EGFL6: variants seen among roughly 807,000 people sequenced by gnomAD.
The protein encoded by EGFL6 is epidermal growth factor-like protein 6.
EGFL6 carries 42 observed loss-of-function variants against 43.1 expected under a neutral mutation model. The observed-to-expected ratio is 0.98, with a 90% CI of 0.76 to 1.26. EGFL6 has a LOEUF of 1.26. Ranked by LOEUF, EGFL6 falls within the 50% of genes most tolerant of loss-of-function variation. The probability of loss-of-function intolerance (pLI) is 0.00; values close to 1 mark genes in which losing one functional copy is unlikely to be tolerated. For synonymous variants in EGFL6, 164 were observed against 163.2 expected (o/e 1.01, Z -0.04); for missense variants, 429 against 427.8 (o/e 1.00, Z -0.02).
intron 1 of EGFL6, among the ~76,000 whole-genome samples, chrX:13,572,362 G>T (rs1380820550): frequency 1.8e-5 from 2 of 112,457 alleles, no homozygotes; most frequent in Non-Finnish European, 3.8e-5. Context: ...TGTTGAAATG[G>T]TAATGTGGAT....
chrX:13,591,992 G>A (rs1186225563), intron 2 of EGFL6, among the ~76,000 whole-genome samples: 1 of 111,667 alleles, frequency 9.0e-6, no homozygotes, highest in Non-Finnish European at 1.9e-5. Flanking sequence ...TCAATCTCAG[G>A]CCATTTTAAA....
At chrX:13,597,762 CAA>C (rs2045608092) in intron 3 of EGFL6, among the ~76,000 whole-genome samples, 1 of 108,712 alleles carries the variant, frequency 9.2e-6, no homozygotes, top group Non-Finnish European at 1.9e-5. Context: ...GCAGCCTGGG[CAA>C]CAGAGCGAGA....
At chrX:13,613,040 G>A (rs187188851) in intron 7 of EGFL6, among the ~76,000 whole-genome samples, 1 of 108,528 alleles carries the variant, frequency 9.2e-6, no homozygotes, top group African/African-American at 3.4e-5. Context: ...AGCTACTCGG[G>A]AGGCTGAGGT....
chrX:13,620,742 G>A (rs776555418), intron 9 of EGFL6, among the ~76,000 whole-genome samples: 9 of 111,344 alleles, frequency 8.1e-5, no homozygotes, highest in African/African-American at 2.3e-4. Context: ...GGTAAGCTAC[G>A]TTCTCCAGGT....
At chrX:13,630,458 A>G (rs1346348167) in intron 11 of EGFL6, among the ~76,000 whole-genome samples, 1 of 111,302 alleles carries the variant, frequency 9.0e-6, no homozygotes, top group Non-Finnish European at 1.9e-5. Flanking sequence ...TATCCCACCC[A>G]TTGCAGCTGC....
intron 4 of EGFL6, among the ~76,000 whole-genome samples, chrX:13,601,812 C>A (rs891855629): frequency 9.0e-6 from 1 of 111,525 alleles, no homozygotes; most frequent in Non-Finnish European, 1.9e-5. Context: ...TAGAACTCTG[C>A]CAGAACCTCC....
At chrX:13,632,000 G>T (rs1374167778) in intron 11 of EGFL6, among the ~76,000 whole-genome samples, 2 of 110,405 alleles carry the variant, frequency 1.8e-5, no homozygotes, top group African/African-American at 6.6e-5. Flanking sequence ...TCTCTATATA[G>T]AAATTTCTAA....
chrX:13,593,220 A>G (rs1015331402), intron 2 of EGFL6, among the ~76,000 whole-genome samples: 1 of 111,256 alleles, frequency 9.0e-6, no homozygotes, highest in South Asian at 3.8e-4. Flanking sequence ...TGGCCAGATC[A>G]TGCTAGTTTT....
intron 6 of EGFL6, 87 bp from the exon 7 acceptor site, chrX:13,608,237 C>A: frequency 9.0e-7 from 1 of 1,108,883 alleles, no homozygotes; most frequent in Non-Finnish European, 1.2e-6. Context: ...GTGTTTAGTG[C>A]TTGGCCCTAC....
At chrX:13,607,235 C>T (rs1569207036) in intron 6 of EGFL6, among the ~76,000 whole-genome samples, 1 of 111,326 alleles carries the variant, frequency 9.0e-6, no homozygotes. Flanking sequence ...AGGATGGGGC[C>T]TGCCCTATAG....
intron 1 of EGFL6, among the ~76,000 whole-genome samples, chrX:13,583,233 C>G (rs1471166015): frequency 9.0e-6 from 1 of 110,852 alleles, no homozygotes; most frequent in Non-Finnish European, 1.9e-5. Context: ...ATGGTGCTGT[C>G]CTTGGCACAG....
rs781114200 is a variant in EGFL6 at position 13,608,497 on chromosome X, C to T, written c.778+51C>T. ...TTAGCTATTCCCAATGAAGCATTCT[C>T]CCCATATCTCCTTCCTCCCTCTATT... On this transcript the variant is annotated intron_variant, in intron 7 of 11. Transcript: ENST00000361306. 3 of 1,164,748 alleles carry T rather than the reference C, an allele frequency of 2.6e-6. No homozygotes were observed. The East Asian group carries it at 9.0e-5, about 35-fold the overall frequency.
intron 1 of EGFL6, among the ~76,000 whole-genome samples, chrX:13,581,323 C>T (rs2045504513): frequency 1.8e-5 from 2 of 111,862 alleles, no homozygotes; most frequent in African/African-American, 6.5e-5. Flanking sequence ...AGTGAGATGT[C>T]TTGGGGTATC....
intron 7 of EGFL6, among the ~76,000 whole-genome samples, chrX:13,616,859 AT>A (rs773399610): frequency 4.2e-3 from 378 of 88,950 alleles, no homozygotes; most frequent in Middle Eastern, 0.012. Flanking sequence ...CTAGAGGTAC[AT>A]TTTTTTTTTT....
rs768730579 is a variant in EGFL6, at chrX:13,575,289, G to T, written c.74+5354G>T. Among the ~76,000 whole-genome samples the T allele has an allele frequency of 3.6e-5, 4 of 111,643 alleles. No homozygotes were observed. In the East Asian group the frequency reaches 1.1e-3, roughly 31 times the overall value. ...CTACTAAAAATACAAAATTAGCCAGGCATGGTGGTGCATTCCTGTAATCCC... is the reference window on the plus strand; with the variant it reads ...CTACTAAAAATACAAAATTAGCCAGTCATGGTGGTGCATTCCTGTAATCCC... On this transcript the variant is annotated intron_variant, in intron 1 of 11. Coordinates refer to ENST00000361306, the MANE Select transcript of EGFL6 (RefSeq NM_015507.4).
chrX:13,574,465 T>C (rs961632168), intron 1 of EGFL6, among the ~76,000 whole-genome samples: 3 of 111,904 alleles, frequency 2.7e-5, no homozygotes, highest in Admixed American at 1.9e-4. Context: ...CCTGAGGTGA[T>C]GTGGACTGAA....
chrX:13,609,524 G>A (rs947089101), intron 7 of EGFL6, among the ~76,000 whole-genome samples: 1 of 111,153 alleles, frequency 9.0e-6, no homozygotes, highest in African/African-American at 3.3e-5. Context: ...GGCCCAGGTG[G>A]GCAGATCACC....
intron 7 of EGFL6, 64 bp from the exon 8 acceptor site, chrX:13,617,666 C>A: frequency 1.0e-6 from 1 of 995,302 alleles, no homozygotes; most frequent in Non-Finnish European, 1.4e-6. Flanking sequence ...TTTTTAAATG[C>A]TCCATTTTGT....
chrX:13,623,376 G>GTTTTTTTTTTTTTTTTTTTTTTTT (rs1569209997), intron 9 of EGFL6, among the ~76,000 whole-genome samples: 2 of 41,033 alleles, frequency 4.9e-5, no homozygotes, highest in Non-Finnish European at 8.5e-5. Context: ...TTTTATTTTG[G>GTTTTTTTTTTTTTTTTTTTTTTTT]GTTTTTTTTT....
Sources: allele counts gnomAD v4.1 joint callset (sites outside exome capture counted in the v4.1 genomes callset), GRCh38; gene constraint gnomAD v4.1.1; transcripts MANE v1.5; gene names NCBI Gene and HGNC (gene_info 2026-07-23, HGNC 2026-07-21).